Variants in IKZF2 observed in about 807,000 individuals in gnomAD.
IKZF2 encodes zinc finger protein Helios.
Under a neutral mutation model 49.2 loss-of-function variants are expected in IKZF2, and 15 were observed. That is an observed-to-expected ratio of 0.30 (90% CI 0.20 to 0.47). The LOEUF (loss-of-function observed/expected upper bound fraction) is 0.47. IKZF2 is among the 20% of genes least tolerant of loss of function. The pLI, the probability that IKZF2 is intolerant of heterozygous loss-of-function variation, is 1.00. For synonymous variants in IKZF2, 227 were observed against 221.4 expected, an observed-to-expected ratio of 1.03 and a Z score of -0.23; for missense variants, 567 against 664.6, an observed-to-expected ratio of 0.85 and a Z score of 1.61.
intron 1 of IKZF2, among the ~76,000 whole-genome samples, chr2:213,150,725 G>A (rs1012037565): frequency 1.4e-5 from 2 of 142,442 alleles, no homozygotes; most frequent in African/African-American, 5.1e-5. Context: ...GGGTAGAGGG[G>A]AGGGACAGTC....
chr2:213,030,728 TA>T (rs1168467301), intron 6 of IKZF2, among the ~76,000 whole-genome samples: 8 of 152,012 alleles, frequency 5.3e-5, no homozygotes, highest in South Asian at 2.1e-4. Context: ...CGCAAGTAAA[TA>T]TTTTTTTGTG....
chr2:213,152,098 C>T (rs929028086), upstream of IKZF2: 13 of 152,304 alleles, frequency 8.5e-5, no homozygotes, highest in Non-Finnish European at 1.6e-4. Flanking sequence ...ACCCCCATCT[C>T]CCCTCCCCGT....
chr2:213,103,644 C>G (rs116107883), intron 4 of IKZF2, among the ~76,000 whole-genome samples: 2,154 of 152,048 alleles, frequency 0.014, 60 homozygotes, highest in African/African-American at 0.049. Context: ...CATCACTGAT[C>G]GTCAATAAAT....
At chr2:213,020,491 T>A (rs1378045837) in intron 7 of IKZF2, among the ~76,000 whole-genome samples, 1 of 151,866 alleles carries the variant, frequency 6.6e-6, no homozygotes, top group East Asian at 1.9e-4. Context: ...AATCTCTATG[T>A]TCCAGATCCT....
chr2:213,146,193 G>T lies in IKZF2; in HGVS notation c.139+1515C>A, dbSNP rs373773491. 9.9e-5 allele frequency among the ~76,000 whole-genome samples: 15 copies of T among 152,174 alleles called. 1 individual carries two copies. The highest frequency in any genetic ancestry group is 3.6e-4 in the African/African-American group (15 of 41,550). ...ATCTCTTTTTACTCTTTAGGAAATT[G>T]TGTGAGTTATCTGAGAAATAAAAAC... On this transcript the variant is annotated intron_variant, in intron 4 of 8. Coordinates refer to ENST00000434687, the MANE Select transcript of IKZF2 (RefSeq NM_001387220.1).
intron 4 of IKZF2, among the ~76,000 whole-genome samples, chr2:213,126,202 A>G (rs1325007268): frequency 6.6e-6 from 1 of 152,154 alleles, no homozygotes; most frequent in African/African-American, 2.4e-5. Flanking sequence ...CCCTAGCACT[A>G]TCATGCCATA....
rs112211527 is a variant in IKZF2, at chr2:213,118,060, C to T, written c.139+29648G>A. 9.0e-3 allele frequency among the ~76,000 whole-genome samples: 1,372 copies of T among 152,132 alleles called. 26 individuals carry two copies. Among genetic ancestry groups the T allele is most frequent in the African/African-American group, 0.031 (1,279 of 41,488 alleles). On this transcript the variant is annotated intron_variant, in intron 4 of 8. Transcript: ENST00000434687. ...GGCATTCTCATTAAAAAAAGAGAGACGGCTTATAAATGGACTTAAAAGACA... is the reference window on the plus strand; with the variant it reads ...GGCATTCTCATTAAAAAAAGAGAGATGGCTTATAAATGGACTTAAAAGACA...
chr2:213,112,226 A>G (rs2059726526), intron 4 of IKZF2, among the ~76,000 whole-genome samples: 3 of 151,682 alleles, frequency 2.0e-5, no homozygotes, highest in South Asian at 4.2e-4. Context: ...GTTATTTTTT[A>G]TTTAACAATA....
At chr2:213,036,591 T>G (rs1699051395) in intron 6 of IKZF2, among the ~76,000 whole-genome samples, 1 of 152,172 alleles carries the variant, frequency 6.6e-6, no homozygotes, top group Admixed American at 6.5e-5. Flanking sequence ...CAAAATCTCT[T>G]CTTTGAGATG....
At chr2:213,136,185 C>T (rs903449634) in intron 4 of IKZF2, among the ~76,000 whole-genome samples, 1 of 150,828 alleles carries the variant, frequency 6.6e-6, no homozygotes, top group African/African-American at 2.4e-5. Context: ...GCCTGACCAA[C>T]TTAGTGAAAC....
At chr2:213,148,706 C>A in intron 2 of IKZF2, 62 bp from the exon 3 acceptor site, 19 of 1,396,846 alleles carry the variant, frequency 1.4e-5, no homozygotes, top group East Asian at 2.3e-5. Context: ...CCATTAAATT[C>A]TTAACTTATT....
intron 4 of IKZF2, among the ~76,000 whole-genome samples, chr2:213,128,331 C>T (rs1025762019): frequency 1.3e-5 from 2 of 152,112 alleles, no homozygotes; most frequent in Non-Finnish European, 2.9e-5. Context: ...TTCTTCAAAA[C>T]TTAAGGCAAG....
intron 6 of IKZF2, among the ~76,000 whole-genome samples, chr2:213,029,635 A>G (rs752237551): frequency 2.8e-4 from 42 of 152,184 alleles, no homozygotes; most frequent in Admixed American, 7.2e-4. Flanking sequence ...AAGGCATACC[A>G]TCCCATTAGT....
intron 6 of IKZF2, among the ~76,000 whole-genome samples, chr2:213,032,381 C>T (rs1003193340): frequency 4.6e-5 from 7 of 152,086 alleles, no homozygotes; most frequent in African/African-American, 1.7e-4. Context: ...AAGTGTGCAA[C>T]AGAATTGTGT....
intron 4 of IKZF2, among the ~76,000 whole-genome samples, chr2:213,104,684 T>C (rs2059466083): frequency 6.6e-6 from 1 of 152,148 alleles, no homozygotes; most frequent in African/African-American, 2.4e-5. Flanking sequence ...GCCAGTGAAT[T>C]CAGGTAATGT....
intron 4 of IKZF2, among the ~76,000 whole-genome samples, chr2:213,140,092 A>T (rs2060813778): frequency 6.6e-6 from 1 of 151,936 alleles, no homozygotes; most frequent in South Asian, 2.1e-4. Context: ...TGGATCAATG[A>T]TCGAAAGATG....
At chr2:213,145,945 C>G (rs1023945941) in intron 4 of IKZF2, among the ~76,000 whole-genome samples, 2 of 152,078 alleles carry the variant, frequency 1.3e-5, no homozygotes, top group African/African-American at 4.8e-5. Flanking sequence ...TGCCTACACT[C>G]TGCACTGTTT....
chr2:213,078,564 T>C (rs948385541), intron 4 of IKZF2, among the ~76,000 whole-genome samples: 1 of 152,236 alleles, frequency 6.6e-6, no homozygotes, highest in African/African-American at 2.4e-5. Context: ...CAGAATTATT[T>C]GAGCAAAATC....
intron 4 of IKZF2, among the ~76,000 whole-genome samples, chr2:213,123,881 C>T (rs541559724): frequency 1.3e-5 from 2 of 151,602 alleles, no homozygotes; most frequent in African/African-American, 2.4e-5. Flanking sequence ...GCCTGCTCTA[C>T]AAGCACTAAT....
Sources: gnomAD v4.1 joint callset for allele counts (sites outside exome capture counted in the v4.1 genomes callset) on GRCh38, gnomAD v4.1.1 for gene constraint, MANE v1.5 for transcripts, NCBI Gene and HGNC (gene_info 2026-07-23, HGNC 2026-07-21) for gene names.